GXYLT1: variants seen among roughly 807,000 people sequenced by gnomAD.
GXYLT1 encodes glucoside xylosyltransferase 1.
A neutral mutation model predicts 54.0 loss-of-function variants in GXYLT1; 29 were observed. That is an observed-to-expected ratio of 0.54 (90% CI 0.40 to 0.73). The LOEUF (loss-of-function observed/expected upper bound fraction) is 0.73. Ranked by LOEUF, GXYLT1 falls within the 30% of genes least tolerant of loss-of-function variation. GXYLT1 has a pLI of 0.00. For missense variants in GXYLT1, 490 were observed against 553.4 expected (o/e 0.89, Z 1.15); for synonymous variants, 176 against 204.1 (o/e 0.86, Z 1.17).
chr12:42,083,978 TA>T lies in GXYLT1; in HGVS notation c.*3807del, dbSNP rs112651571. On this transcript the variant is annotated 3_prime_UTR_variant, in exon 8 of 8. Transcript: ENST00000398675. ...TCCTAGCTCACAAACTGGGATCCAC[TA>T]AAAAAAAAAGACATAAAATGTTGAA... 115 of 147,186 alleles carry T rather than the reference TA, an allele frequency of 7.8e-4. 2 individuals carry two copies. In the South Asian group the frequency reaches 0.023, roughly 29 times the overall value. The allele number at this position is 147,186 out of a possible 1,614,324, so 9.1% of individuals were successfully genotyped here. A position where few individuals can be genotyped will look rare whatever the true frequency, so the allele number is the denominator to read the frequency against.
chr12:42,105,835 T>C lies in GXYLT1; in HGVS notation c.847A>G (p.Arg283Gly). ...TGACTTACCTTGAAATACTTCCTTC[T>C]CATTCGAGTCATGTTCATCAACATA... Reference protein sequence around the residue: ...GVMLMNMTRMRRKYFKNDMTT... With the variant: ...GVMLMNMTRMGRKYFKNDMTT... The change falls in exon 5 of 8, where the codon AGA becomes GGA. Residue 283 changes from arginine (R) to glycine (G), a missense_variant. By Grantham distance (125) the Arg-to-Gly change is moderately radical. Transcript: ENST00000398675. 1.2e-6 allele frequency: 2 copies of C among 1,611,902 alleles called. No individual in the cohort carries two copies. Among genetic ancestry groups the C allele is most frequent in the Non-Finnish European group, 1.7e-6 (2 of 1,179,070 alleles).
At chr12:42,139,500 G>A (rs775103011) in intron 1 of GXYLT1, among the ~76,000 whole-genome samples, 15 of 152,158 alleles carry the variant, frequency 9.9e-5, no homozygotes, top group East Asian at 5.8e-4. Flanking sequence ...GGCCTGCCTC[G>A]CCTCTTCTAC....
rs1395649531 is a variant in GXYLT1, at chr12:42,085,655, A to G, written c.*2131T>C. On this transcript the variant is annotated 3_prime_UTR_variant, in exon 8 of 8. Coordinates refer to ENST00000398675, the MANE Select transcript of GXYLT1 (RefSeq NM_173601.2). ...GGTGATTGTTAAAAACGAAATCATC[A>G]TGTGACTTATATTCTGTTGATTCTA... 1 of 152,240 alleles carries G rather than the reference A, an allele frequency of 6.6e-6. No homozygotes were observed. The highest frequency in any genetic ancestry group is 2.4e-5 in the African/African-American group (1 of 41,456). 9.4% of individuals were successfully genotyped at this position (152,240 alleles called of 1,614,324 possible).
At chr12:42,142,894 G>A (rs1444270773) in intron 1 of GXYLT1, among the ~76,000 whole-genome samples, 1 of 151,976 alleles carries the variant, frequency 6.6e-6, no homozygotes, top group Non-Finnish European at 1.5e-5. Context: ...TTAGATGTAC[G>A]CCTCATTTAA....
intron 7 of GXYLT1, among the ~76,000 whole-genome samples, chr12:42,096,592 A>C (rs2065357027): frequency 6.6e-6 from 1 of 152,216 alleles, no homozygotes; most frequent in Non-Finnish European, 1.5e-5. Context: ...GCCAAGTGTC[A>C]AATGATGTAT....
At position 42,097,888 on chromosome 12, in the gene GXYLT1, T is replaced by C. The variant is rs1304078165; in HGVS notation, c.988+22A>G. 9 of 1,532,518 alleles carry C rather than the reference T, an allele frequency of 5.9e-6. No homozygotes were observed. The South Asian group carries it at 9.5e-5, about 16-fold the overall frequency. The allele number at this position is 1,532,518 out of a possible 1,614,324, so 94.9% of individuals were successfully genotyped here. A position where few individuals can be genotyped will look rare whatever the true frequency, so the allele number is the denominator to read the frequency against. On this transcript the variant is annotated intron_variant, in intron 6 of 7. Coordinates refer to ENST00000398675, the MANE Select transcript of GXYLT1 (RefSeq NM_173601.2). The stretch of plus-strand genomic sequence containing the variant: ...TTATCTGTGATTTTTTTAATGCAAA[T>C]AAAAGGAATTTAAATAATTACCTGG...
intron 1 of GXYLT1, among the ~76,000 whole-genome samples, chr12:42,143,135 GAT>G (rs1383328212): frequency 6.6e-6 from 1 of 152,182 alleles, no homozygotes; most frequent in Non-Finnish European, 1.5e-5. Flanking sequence ...CTAAAAATGT[GAT>G]GTTAACATCA....
Position 42,087,681 on chromosome 12 carries a change from C to G in GXYLT1, c.*105G>C. 1.3e-6 allele frequency: 1 copy of G among 771,784 alleles called. No individual in the cohort carries two copies. Among genetic ancestry groups the G allele is most frequent in the Middle Eastern group, 3.9e-4 (1 of 2,590 alleles). The allele number at this position is 771,784 out of a possible 1,614,324, so 47.8% of individuals were successfully genotyped here. On this transcript the variant is annotated 3_prime_UTR_variant, in exon 8 of 8. Coordinates refer to ENST00000398675, the MANE Select transcript of GXYLT1 (RefSeq NM_173601.2). ...CTTCTTTAGGAAAAAAAAAATTATT[C>G]TGGAGATGAGTAATTCCTTCCTGAA...
intron 1 of GXYLT1, among the ~76,000 whole-genome samples, chr12:42,131,406 T>C (rs10785330): frequency 0.52 from 79,030 of 152,016 alleles, 20,992 homozygotes; most frequent in South Asian, 0.7. Flanking sequence ...AGGCAGGGGT[T>C]CTTAGCCCTG....
chr12:42,088,588 GCTAGAGTCCTTCTTTTA>G (rs1319036191), intron 7 of GXYLT1, among the ~76,000 whole-genome samples: 3 of 152,134 alleles, frequency 2.0e-5, no homozygotes, highest in Non-Finnish European at 2.9e-5. Flanking sequence ...TATATTTTTG[GCTAGAGTCCTTCTTTTA>G]CTATAAAATA....
At chr12:42,118,150 T>C (rs2065508133) in intron 3 of GXYLT1, among the ~76,000 whole-genome samples, 1 of 152,230 alleles carries the variant, frequency 6.6e-6, no homozygotes, top group Non-Finnish European at 1.5e-5. Context: ...ACTGTTATTT[T>C]GGGTTTTCTG....
Position 42,087,726 on chromosome 12 carries a change from C to T in GXYLT1, c.*60G>A, listed in dbSNP as rs2136868787. 8.1e-7 allele frequency: 1 copy of T among 1,236,388 alleles called. No individual in the cohort carries two copies. The allele number at this position is 1,236,388 out of a possible 1,614,324, so 76.6% of individuals were successfully genotyped here. The stretch of plus-strand genomic sequence containing the variant: ...CCTGAATACTTCATCCAAGACGATT[C>T]CTTCACACTTATCTTCTGATTCTTT... On this transcript the variant is annotated 3_prime_UTR_variant, in exon 8 of 8. Transcript: ENST00000398675.
At chr12:42,115,441 A>C (rs2136901471) in intron 3 of GXYLT1, among the ~76,000 whole-genome samples, 1 of 152,382 alleles carries the variant, frequency 6.6e-6, no homozygotes, top group South Asian at 2.1e-4. Flanking sequence ...TTCTCAGGAT[A>C]CAAAATCAAT....
In GXYLT1 at chr12:42,142,600, T is replaced by G. The variant is rs867783179; in HGVS notation, c.221+1826A>C. On this transcript the variant is annotated intron_variant, in intron 1 of 7. Coordinates refer to ENST00000398675, the MANE Select transcript of GXYLT1 (RefSeq NM_173601.2). Reference sequence around the variant, plus strand: ...AGCAATCAATCATCCCCACTCAGCCTCCCCAAATTCTGGGATTACAGGCGT... The same window carrying G: ...AGCAATCAATCATCCCCACTCAGCCGCCCCAAATTCTGGGATTACAGGCGT... Among the ~76,000 whole-genome samples, 3 of 152,076 alleles carry G rather than the reference T, an allele frequency of 2.0e-5. No homozygotes were observed. The South Asian group carries it at 6.2e-4, about 32-fold the overall frequency.
Position 42,109,703 on chromosome 12 carries a change from TA to T in GXYLT1, c.487-13del. On this transcript the variant is annotated splice_polypyrimidine_tract_variant and intron_variant, in intron 3 of 7. Coordinates refer to ENST00000398675, the MANE Select transcript of GXYLT1 (RefSeq NM_173601.2). ...GACCAGTTGTCAAGCTAAAACAATT[TA>T]AAAAAAAACTGTTTAGTTTCACTCT... 7.2e-7 allele frequency: 1 copy of T among 1,392,170 alleles called. No homozygotes were observed. The highest frequency in any genetic ancestry group is 1.3e-5 in the South Asian group (1 of 75,016). The allele number at this position is 1,392,170 out of a possible 1,614,324, so 86.2% of individuals were successfully genotyped here.
intron 2 of GXYLT1, among the ~76,000 whole-genome samples, chr12:42,123,979 T>C (rs2065546278): frequency 6.6e-6 from 1 of 150,898 alleles, no homozygotes; most frequent in Non-Finnish European, 1.5e-5. Flanking sequence ...TGTGCTAAAT[T>C]ATCATACCAG....
intron 7 of GXYLT1, among the ~76,000 whole-genome samples, chr12:42,088,777 A>G (rs1051237265): frequency 1.4e-4 from 22 of 151,940 alleles, no homozygotes; most frequent in African/African-American, 4.6e-4. Flanking sequence ...AACATTTTAT[A>G]TGGAAGTTGA....
rs185628028 is a variant in GXYLT1, at chr12:42,111,717, C to T, written c.487-2026G>A. On this transcript the variant is annotated intron_variant, in intron 3 of 7. Transcript: ENST00000398675. ...AGGCTCCACCTCTGGGGGCAGGGCA[C>T]GGACAAACAAAAAGACAGCAGTAAC... Among the ~76,000 whole-genome samples the T allele has an allele frequency of 2.5e-3, 388 of 152,304 alleles. 2 individuals are homozygous for T. The highest frequency in any genetic ancestry group is 8.6e-3 in the African/African-American group (357 of 41,578).
chr12:42,124,647 G>A (rs1470884151), intron 2 of GXYLT1, among the ~76,000 whole-genome samples: 1 of 152,154 alleles, frequency 6.6e-6, no homozygotes. Context: ...ACACAATGCT[G>A]GTGCAGGCTT....
Sources: gnomAD v4.1 joint callset for allele counts (sites outside exome capture counted in the v4.1 genomes callset) on GRCh38, gnomAD v4.1.1 for gene constraint, MANE v1.5 for transcripts, NCBI Gene and HGNC (gene_info 2026-07-23, HGNC 2026-07-21) for gene names.